RRBP1: variants seen among roughly 807,000 people sequenced by gnomAD.
RRBP1 encodes the protein ribosome-binding protein 1.
RRBP1 carries 94 observed loss-of-function variants against 165.2 expected under a neutral mutation model. The ratio of observed to expected loss-of-function variants is 0.57; its 90% CI spans 0.48 to 0.68. The LOEUF (loss-of-function observed/expected upper bound fraction) is 0.68. RRBP1 is among the 30% of genes least tolerant of loss of function. The pLI, the probability that RRBP1 is intolerant of heterozygous loss-of-function variation, is 0.00. For missense variants in RRBP1, 1,676 were observed against 1,763.0 expected (o/e 0.95, Z 0.88); for synonymous variants, 680 against 714.5 (o/e 0.95, Z 0.77).
At chr20:17,647,208 A>G (rs2036480688) in intron 3 of RRBP1, among the ~76,000 whole-genome samples, 1 of 152,220 alleles carries the variant, frequency 6.6e-6, no homozygotes. Flanking sequence ...CTGGGCCTGG[A>G]AAGTTAAGTT....
intron 2 of RRBP1, among the ~76,000 whole-genome samples, chr20:17,671,423 C>T (rs544857146): frequency 1.3e-5 from 2 of 152,296 alleles, no homozygotes; most frequent in East Asian, 3.9e-4. Flanking sequence ...ATGATCTGCT[C>T]GCCCCTGGAC....
At chr20:17,660,684 A>G (rs556329529) in intron 2 of RRBP1, among the ~76,000 whole-genome samples, 156 bp from the exon 3 acceptor site, 1 of 152,336 alleles carries the variant, frequency 6.6e-6, no homozygotes, top group South Asian at 2.1e-4. Flanking sequence ...GATGTCCCAC[A>G]TTCTCACCTG....
chr20:17,660,105 A>C lies in RRBP1; in HGVS notation c.403T>G (p.Ser135Ala). Residue 135 changes from serine (S) to alanine (A), a missense_variant, in exon 3 of 25, where the codon TCC (serine) becomes GCC (alanine). Around this residue, in one of 5 missense-constraint regions of RRBP1, gnomAD observed 392 missense variants for 382.5 expected, o/e 1.02. Coordinates refer to ENST00000377813, the MANE Select transcript of RRBP1 (RefSeq NM_001365613.2). ...PAMPQEKLAS[S>A]PKDKKKKEKK... ...TCCTTCTTCTTTTTGTCCTTGGGGG[A>C]GGAGGCCAGCTTCTCCTGGGGCATG... is the stretch of plus-strand genomic sequence containing the variant. The C allele has an allele frequency of 1.2e-6, 2 of 1,613,822 alleles. No individual in the cohort carries two copies. Among genetic ancestry groups the C allele is most frequent in the Non-Finnish European group, 1.7e-6 (2 of 1,179,986 alleles).
intron 11 of RRBP1, among the ~76,000 whole-genome samples, chr20:17,626,500 G>A (rs1479148490): frequency 6.6e-6 from 1 of 152,230 alleles, no homozygotes; most frequent in Non-Finnish European, 1.5e-5. Flanking sequence ...TCTGCTGAGA[G>A]GCACACAGGG....
chr20:17,630,019 G>T (rs2036117813), intron 8 of RRBP1, 58 bp from the exon 9 acceptor site: 3 of 1,547,270 alleles, frequency 1.9e-6, no homozygotes, highest in African/African-American at 2.7e-5. Context: ...GCCCTCAGCG[G>T]CTCTGCGGTG....
At chr20:17,615,862 C>T in intron 22 of RRBP1, 64 bp downstream of exon 22, 1 of 1,415,918 alleles carries the variant, frequency 7.1e-7, no homozygotes, top group Non-Finnish European at 9.9e-7. Flanking sequence ...CTGACCCACT[C>T]ATTCCCTGGA....
At chr20:17,621,796 AG>A in intron 14 of RRBP1, 23 bp from the exon 15 acceptor site, 2 of 1,613,484 alleles carry the variant, frequency 1.2e-6, no homozygotes, top group Non-Finnish European at 1.7e-6. Context: ...ACATTCGGTG[AG>A]ACCCGGGGAC....
At chr20:17,618,826 G>A in intron 19 of RRBP1, 147 bp from the exon 20 acceptor site, 1 of 643,444 alleles carries the variant, frequency 1.6e-6, no homozygotes, top group Non-Finnish European at 2.8e-6. Flanking sequence ...CCGGCACAGG[G>A]CTCGCCAGGC....
chr20:17,676,438 G>A (rs984726220), intron 2 of RRBP1, among the ~76,000 whole-genome samples: 6 of 152,114 alleles, frequency 3.9e-5, no homozygotes, highest in African/African-American at 1.4e-4. Context: ...GCCCAGGGAG[G>A]AGAAGTCATG....
intron 3 of RRBP1, among the ~76,000 whole-genome samples, chr20:17,645,306 G>T (rs1042406365): frequency 6.6e-6 from 1 of 152,178 alleles, no homozygotes; most frequent in African/African-American, 2.4e-5. Flanking sequence ...TTCTCGGAGC[G>T]GCATTCTCAT....
At chr20:17,678,861 G>A (rs2037127991) in intron 2 of RRBP1, among the ~76,000 whole-genome samples, 1 of 152,106 alleles carries the variant, frequency 6.6e-6, no homozygotes, top group East Asian at 1.9e-4. Context: ...GTGTTTGAAG[G>A]CCCACCACAC....
At chr20:17,642,405 G>A (rs1340245851) in intron 4 of RRBP1, among the ~76,000 whole-genome samples, 1 of 152,142 alleles carries the variant, frequency 6.6e-6, no homozygotes, top group African/African-American at 2.4e-5. Flanking sequence ...GTGCCACTGA[G>A]ACTGTGCAGG....
At chr20:17,681,423 G>A (rs1349006067) in intron 1 of RRBP1, among the ~76,000 whole-genome samples, 2 of 146,290 alleles carry the variant, frequency 1.4e-5, no homozygotes, top group South Asian at 2.1e-4. Context: ...GGCCCGCCCC[G>A]TCGGGGGCCG....
rs935791446 is a variant in RRBP1 at position 17,614,858 on chromosome 20, T to C, written c.4073A>G (p.Lys1358Arg). The change falls in exon 24 of 25, where the codon AAG becomes AGG. Residue 1358 changes from lysine (K) to arginine (R), a missense_variant. Transcript: ENST00000377813. ...GGCGCGCCCCAGGTCACTTGTTAAC[T>C]TCTTCTCTTTTTCTAGTCTCTCCTG... ...QLKERLEKEK[K>R]LTSDLGRAAT... 1.2e-6 allele frequency: 2 copies of C among 1,612,952 alleles called. No homozygotes were observed. Among genetic ancestry groups the C allele is most frequent in the African/African-American group, 1.3e-5 (1 of 75,036 alleles).
Position 17,625,367 on chromosome 20 carries a change from CT to C in RRBP1, c.3054+144del, listed in dbSNP as rs561410518. On this transcript the variant is annotated intron_variant, in intron 12 of 24. Coordinates refer to ENST00000377813, the MANE Select transcript of RRBP1 (RefSeq NM_001365613.2). ...GGTGAGTAGAAGCACCCCCCACACC[CT>C]GGACCCCCACAGCACAATGGGGTGT... The C allele has an allele frequency of 3.6e-4, 255 of 700,924 alleles. No individual in the cohort carries two copies. In the African/African-American group the frequency reaches 4.0e-3, roughly 11 times the overall value. 43.4% of individuals were successfully genotyped at this position (700,924 alleles called of 1,614,324 possible). A position where few individuals can be genotyped will look rare whatever the true frequency, so the allele number is the denominator to read the frequency against.
chr20:17,655,434 C>T (rs2036629320), intron 3 of RRBP1, among the ~76,000 whole-genome samples: 1 of 152,362 alleles, frequency 6.6e-6, no homozygotes, highest in Admixed American at 6.5e-5. Flanking sequence ...ATGTCTCTGC[C>T]TTCCACTGTT....
intron 22 of RRBP1, 34 bp from the exon 23 acceptor site, chr20:17,615,563 C>G: frequency 6.4e-7 from 1 of 1,557,798 alleles, no homozygotes; most frequent in Non-Finnish European, 8.7e-7. Context: ...CTGGGTGAGA[C>G]GTCTTATAAA....
chr20:17,679,859 G>C (rs556735433), intron 2 of RRBP1, 140 bp downstream of exon 2: 1 of 135,978 alleles, frequency 7.4e-6, no homozygotes, highest in Non-Finnish European at 1.7e-5. Flanking sequence ...AGTGCCTAGA[G>C]CTCTAAACCC....
chr20:17,651,950 A>C (rs75428042), intron 3 of RRBP1, among the ~76,000 whole-genome samples: 1,715 of 152,314 alleles, frequency 0.011, 73 homozygotes, highest in East Asian at 0.072. Context: ...CACTCCTGCC[A>C]GGTCTCCCTC....
Sources: allele counts gnomAD v4.1 joint callset (sites outside exome capture counted in the v4.1 genomes callset), GRCh38; gene constraint gnomAD v4.1.1; regional missense constraint gnomAD v4.1.1; transcripts MANE v1.5; gene names NCBI Gene and HGNC (gene_info 2026-07-23, HGNC 2026-07-21).